The following DPYD variants were observed in gnomAD, a reference collection of about 807,000 sequenced individuals.
DPYD encodes the protein dihydropyrimidine dehydrogenase, also known as dihydropyrimidine dehydrogenase [NADP(+)].
Under a neutral mutation model 116.2 loss-of-function variants are expected in DPYD, and 109 were observed. The observed-to-expected ratio is 0.94, with a 90% CI of 0.80 to 1.10. The LOEUF (loss-of-function observed/expected upper bound fraction) is 1.10. Ranked by LOEUF, DPYD falls within the 50% of genes least tolerant of loss-of-function variation. The pLI is 0.00. For synonymous variants in DPYD, 440 were observed against 432.0 expected (o/e 1.02, Z -0.23); for missense variants, 1,302 against 1,254.5 (o/e 1.04, Z -0.57).
intron 16 of DPYD, among the ~76,000 whole-genome samples, 172 bp from the exon 17 acceptor site, chr1:97,306,469 C>T (rs992759686): frequency 6.6e-6 from 1 of 151,914 alleles, no homozygotes; most frequent in Non-Finnish European, 1.5e-5. Context: ...CATTAGGGAA[C>T]TAAGGTTAAC....
At chr1:97,523,361 A>C (rs1032591172) in intron 12 of DPYD, among the ~76,000 whole-genome samples, 4 of 152,062 alleles carry the variant, frequency 2.6e-5, no homozygotes, top group Admixed American at 2.6e-4. Context: ...TTTTGGGGGG[A>C]GACTGAGTAA....
intron 20 of DPYD, among the ~76,000 whole-genome samples, chr1:97,117,605 C>T (rs997255079): frequency 3.3e-5 from 5 of 152,104 alleles, no homozygotes; most frequent in Non-Finnish European, 7.4e-5. Context: ...GTCGAAGATG[C>T]AATTTATCAT....
chr1:97,177,294 C>T (rs1657348201), intron 20 of DPYD, among the ~76,000 whole-genome samples: 1 of 152,042 alleles, frequency 6.6e-6, no homozygotes. Context: ...GAATACATTT[C>T]AAGTATGAAG....
chr1:97,546,272 T>C (rs992820392), intron 12 of DPYD: 73 of 1,456,082 alleles, frequency 5.0e-5, no homozygotes, highest in Middle Eastern at 1.9e-4. Context: ...AAAAGAAACC[T>C]TTAAAAAAAA....
chr1:97,355,344 A>G (rs1670375106), intron 16 of DPYD, among the ~76,000 whole-genome samples: 2 of 152,184 alleles, frequency 1.3e-5, no homozygotes, highest in South Asian at 2.1e-4. Context: ...ATACGTTAAA[A>G]TTAAATCAAG....
Position 97,921,023 on chromosome 1 carries a change from A to C in DPYD, c.-101T>G. ...GACAGCAGCCGGAGCGCGAGTCGAAAACAGGCAGACTAGGGCCGGCGGCGC... is the reference window on the plus strand; with the variant it reads ...GACAGCAGCCGGAGCGCGAGTCGAACACAGGCAGACTAGGGCCGGCGGCGC... On this transcript the variant is annotated 5_prime_UTR_variant, in exon 1 of 23. Coordinates refer to ENST00000370192, the MANE Select transcript of DPYD (RefSeq NM_000110.4). The C allele has an allele frequency of 6.9e-7, 1 of 1,458,614 alleles. No individual in the cohort carries two copies. The highest frequency in any genetic ancestry group is 9.4e-7 in the Non-Finnish European group (1 of 1,067,312). The allele number at this position is 1,458,614 out of a possible 1,614,324, so 90.4% of individuals were successfully genotyped here.
At chr1:97,097,366 T>G (rs1650339730) in intron 21 of DPYD, among the ~76,000 whole-genome samples, 1 of 152,122 alleles carries the variant, frequency 6.6e-6, no homozygotes, top group Non-Finnish European at 1.5e-5. Context: ...GGTTCCAGTC[T>G]CCAGTTGACT....
At chr1:97,162,557 A>C (rs1656003742) in intron 20 of DPYD, among the ~76,000 whole-genome samples, 1 of 152,142 alleles carries the variant, frequency 6.6e-6, no homozygotes, top group South Asian at 2.1e-4. Flanking sequence ...CATACTGCCC[A>C]AGGTAATTTA....
At chr1:97,530,674 C>T (rs535943824) in intron 12 of DPYD, among the ~76,000 whole-genome samples, 2 of 152,220 alleles carry the variant, frequency 1.3e-5, no homozygotes, top group East Asian at 1.9e-4. Flanking sequence ...TATGATAGTT[C>T]TATTTTAAAT....
At chr1:97,121,182 C>T (rs1006843223) in intron 20 of DPYD, among the ~76,000 whole-genome samples, 3 of 152,096 alleles carry the variant, frequency 2.0e-5, no homozygotes, top group Non-Finnish European at 4.4e-5. Context: ...GGGGTGGAGC[C>T]CCTGAGCAGG....
intron 3 of DPYD, among the ~76,000 whole-genome samples, chr1:97,765,992 G>T (rs571689498): frequency 6.6e-6 from 1 of 152,016 alleles, no homozygotes; most frequent in Non-Finnish European, 1.5e-5. Flanking sequence ...GCCTATAATC[G>T]CAGCACTTCA....
At chr1:97,485,443 C>A (rs1202522151) in intron 13 of DPYD, among the ~76,000 whole-genome samples, 4 of 152,186 alleles carry the variant, frequency 2.6e-5, no homozygotes, top group African/African-American at 4.8e-5. Context: ...CTCAGGTGAT[C>A]CACCCACCTT....
chr1:97,405,540 G>C (rs1373322409), intron 14 of DPYD, among the ~76,000 whole-genome samples: 2 of 151,828 alleles, frequency 1.3e-5, no homozygotes, highest in Admixed American at 1.3e-4. Flanking sequence ...TTTTGAGACA[G>C]AGTCTCACTC....
intron 20 of DPYD, among the ~76,000 whole-genome samples, chr1:97,183,059 TGTATG>T (rs1319661816): frequency 6.6e-6 from 1 of 151,904 alleles, no homozygotes; most frequent in Admixed American, 6.6e-5. Context: ...TATTTTTTCT[TGTATG>T]GTTAGTGTTT....
intron 13 of DPYD, among the ~76,000 whole-genome samples, chr1:97,501,805 C>A (rs1679604709): frequency 6.6e-6 from 1 of 151,988 alleles, no homozygotes; most frequent in Non-Finnish European, 1.5e-5. Context: ...TTCTTTGAGT[C>A]AGCTACGAAG....
At chr1:97,191,021 A>G (rs1365863325) in intron 20 of DPYD, among the ~76,000 whole-genome samples, 1 of 151,900 alleles carries the variant, frequency 6.6e-6, no homozygotes, top group Non-Finnish European at 1.5e-5. Flanking sequence ...TTGGCTAATG[A>G]TAGGACAATG....
chr1:97,126,783 A>G (rs1652878003), intron 20 of DPYD, among the ~76,000 whole-genome samples: 1 of 151,966 alleles, frequency 6.6e-6, no homozygotes. Context: ...CTAAAACTTC[A>G]TTTTCTCTTT....
intron 8 of DPYD, among the ~76,000 whole-genome samples, chr1:97,631,025 T>A (rs970161752): frequency 4.6e-5 from 7 of 151,974 alleles, no homozygotes; most frequent in Non-Finnish European, 1.0e-4. Flanking sequence ...GAAATGGAGG[T>A]AGTTGAAACA....
chr1:97,746,920 T>G (rs532167508), intron 3 of DPYD, among the ~76,000 whole-genome samples: 3 of 151,768 alleles, frequency 2.0e-5, no homozygotes, highest in Admixed American at 6.6e-5. Context: ...TTGGATTTTT[T>G]TTGTTGTTGT....
Sources: gnomAD v4.1 joint callset for allele counts (sites outside exome capture counted in the v4.1 genomes callset) on GRCh38, gnomAD v4.1.1 for gene constraint, MANE v1.5 for transcripts, NCBI Gene and HGNC (gene_info 2026-07-23, HGNC 2026-07-21) for gene names.